PPP2R2B: variants seen among roughly 807,000 people sequenced by gnomAD.
PPP2R2B encodes protein phosphatase 2 regulatory subunit Bbeta, also known as serine/threonine-protein phosphatase 2A 55 kDa regulatory subunit B beta isoform.
A neutral mutation model predicts 46.0 loss-of-function variants in PPP2R2B; 5 were observed. The observed-to-expected ratio is 0.11, with a 90% CI of 0.06 to 0.23. PPP2R2B has a LOEUF of 0.23. Ranked by LOEUF, PPP2R2B falls within the 10% of genes least tolerant of loss-of-function variation. The pLI, the probability that PPP2R2B is intolerant of heterozygous loss-of-function variation, is 1.00. For missense variants in PPP2R2B, 367 were observed against 575.0 expected, an observed-to-expected ratio of 0.64 and a Z score of 3.70; for synonymous variants, 215 against 206.7, an observed-to-expected ratio of 1.04 and a Z score of -0.34.
At chr5:146,678,422 C>G (rs1777896947) in intron 5 of PPP2R2B, among the ~76,000 whole-genome samples, 4 of 139,844 alleles carry the variant, frequency 2.9e-5, no homozygotes, top group African/African-American at 1.2e-4. Flanking sequence ...TATGACAAAC[C>G]CACAGCCAAT....
At chr5:146,723,159 T>G (rs566633606) in intron 2 of PPP2R2B, among the ~76,000 whole-genome samples, 4 of 152,332 alleles carry the variant, frequency 2.6e-5, no homozygotes, top group African/African-American at 9.6e-5. Context: ...AGAGAGCATA[T>G]GTTGGTTACC....
chr5:146,994,121 T>C (rs1444016124), intron 1 of PPP2R2B, among the ~76,000 whole-genome samples: 1 of 152,168 alleles, frequency 6.6e-6, no homozygotes, highest in African/African-American at 2.4e-5. Context: ...GCTGGGCCAG[T>C]TGGGCATGTG....
intron 1 of PPP2R2B, among the ~76,000 whole-genome samples, chr5:146,979,860 CCCT>C (rs1426563042): frequency 2.6e-5 from 4 of 152,088 alleles, no homozygotes; most frequent in Non-Finnish European, 5.9e-5. Flanking sequence ...TCTTATTGTA[CCCT>C]ACTCACCTAT....
intron 2 of PPP2R2B, among the ~76,000 whole-genome samples, chr5:146,811,788 C>T (rs1348931534): frequency 4.1e-5 from 6 of 147,382 alleles, no homozygotes; most frequent in South Asian, 2.2e-4. Flanking sequence ...AGGATGGTCT[C>T]GATCTCCTGA....
Position 146,890,291 on chromosome 5 carries a change from G to A in PPP2R2B, c.79+165374C>T, listed in dbSNP as rs551584933. Among the ~76,000 whole-genome samples, 8 of 152,312 alleles carry A rather than the reference G, an allele frequency of 5.3e-5. No individual in the cohort carries two copies. The South Asian group carries it at 1.7e-3, about 32-fold the overall frequency. On this transcript the variant is annotated intron_variant, in intron 1 of 8. Coordinates refer to the PPP2R2B transcript ENST00000336640. ...GTGATGGGCCAGGGAAGTGCTGCAG[G>A]AGGAGCTGTATCAGTCCTCCTGAGC...
At chr5:147,057,976 A>G (rs1251424382), upstream of PPP2R2B, among the ~76,000 whole-genome samples, 1 of 152,206 alleles carries the variant, frequency 6.6e-6, no homozygotes, top group Admixed American at 6.5e-5. Context: ...AATTTTAATT[A>G]CTATTGTCTA....
chr5:146,617,296 G>C (rs1773256883), intron 7 of PPP2R2B, among the ~76,000 whole-genome samples: 1 of 152,156 alleles, frequency 6.6e-6, no homozygotes, highest in South Asian at 2.1e-4. Context: ...ACTAGTATGT[G>C]ATAGCACAAC....
At chr5:146,702,617 T>C (rs1478568145) in intron 2 of PPP2R2B, among the ~76,000 whole-genome samples, 1 of 152,190 alleles carries the variant, frequency 6.6e-6, no homozygotes, top group African/African-American at 2.4e-5. Context: ...TAAATATATA[T>C]AGGAAGCTGG....
chr5:146,866,664 G>T (rs970955661), intron 2 of PPP2R2B, among the ~76,000 whole-genome samples: 16 of 151,696 alleles, frequency 1.1e-4, no homozygotes, highest in African/African-American at 3.9e-4. Flanking sequence ...GCACACAGAG[G>T]CATCTATATC....
chr5:146,600,145 C>T (rs976264425), intron 8 of PPP2R2B, 146 bp downstream of exon 8: 2 of 817,176 alleles, frequency 2.4e-6, no homozygotes, highest in Admixed American at 2.7e-5. Context: ...AATCCTGTGG[C>T]ACTTATAGCC....
intron 7 of PPP2R2B, among the ~76,000 whole-genome samples, chr5:146,619,527 G>A (rs1418488322): frequency 6.6e-6 from 1 of 152,194 alleles, no homozygotes; most frequent in Non-Finnish European, 1.5e-5. Flanking sequence ...CCGGCTGAAT[G>A]CAGCCATGCA....
chr5:146,880,926 T>C (rs1229883315), upstream of PPP2R2B, among the ~76,000 whole-genome samples: 1 of 152,184 alleles, frequency 6.6e-6, no homozygotes, highest in African/African-American at 2.4e-5. Context: ...AACTACTCTT[T>C]TCTAATATGA....
exon 1 of PPP2R2B, chr5:147,055,720 C>T (rs1157854935): frequency 1.9e-6 from 3 of 1,613,278 alleles, no homozygotes; most frequent in Non-Finnish European, 2.5e-6. Flanking sequence ...AGATGTAAGG[C>T]AGGTAACGAG....
chr5:147,055,109 C>T (rs2151905026), intron 1 of PPP2R2B, among the ~76,000 whole-genome samples: 1 of 152,274 alleles, frequency 6.6e-6, no homozygotes, highest in Non-Finnish European at 1.5e-5. Context: ...CTTAGGACCC[C>T]CAGAAACCAC....
chr5:147,033,635 C>T (rs1272452911), intron 1 of PPP2R2B, among the ~76,000 whole-genome samples: 2 of 152,014 alleles, frequency 1.3e-5, no homozygotes, highest in Non-Finnish European at 2.9e-5. Flanking sequence ...ATGATTCATC[C>T]TCATTCTTTG....
chr5:146,885,248 A>G (rs1762284294), intron 1 of PPP2R2B, among the ~76,000 whole-genome samples: 1 of 152,210 alleles, frequency 6.6e-6, no homozygotes, highest in Non-Finnish European at 1.5e-5. Flanking sequence ...TAATATAACC[A>G]AAGTCAGATA....
chr5:146,594,157 A>G (rs1770937309), intron 8 of PPP2R2B, among the ~76,000 whole-genome samples: 1 of 151,924 alleles, frequency 6.6e-6, no homozygotes, highest in African/African-American at 2.4e-5. Flanking sequence ...TGTCGAGTAG[A>G]CTCTGAGGTG....
At chr5:146,994,607 C>T (rs541815878) in intron 1 of PPP2R2B, among the ~76,000 whole-genome samples, 1 of 152,230 alleles carries the variant, frequency 6.6e-6, no homozygotes, top group African/African-American at 2.4e-5. Context: ...AGTATTTATC[C>T]ACCAACCCTG....
At position 146,795,163 on chromosome 5, in the gene PPP2R2B, G is replaced by A. The variant is rs1283275612; in HGVS notation, c.70+82839C>T. Among the ~76,000 whole-genome samples the A allele has an allele frequency of 2.0e-5, 3 of 152,012 alleles. No individual in the cohort carries two copies. The East Asian group carries it at 5.8e-4, about 29-fold the overall frequency. On this transcript the variant is annotated intron_variant, in intron 2 of 9. Transcript: ENST00000394411. ...TACCCACCTCATAAGGACTGTTAAGGAGATTAGATAGGCTCCCACTTCTGA... is the reference window on the plus strand; with the variant it reads ...TACCCACCTCATAAGGACTGTTAAGAAGATTAGATAGGCTCCCACTTCTGA...
Sources: gnomAD v4.1 joint callset for allele counts (sites outside exome capture counted in the v4.1 genomes callset) on GRCh38, gnomAD v4.1.1 for gene constraint, MANE v1.5 for transcripts, NCBI Gene and HGNC (gene_info 2026-07-23, HGNC 2026-07-21) for gene names.